VPS13B: variants seen among roughly 807,000 people sequenced by gnomAD.
VPS13B encodes the protein intermembrane lipid transfer protein VPS13B.
Under a neutral mutation model 426.4 loss-of-function variants are expected in VPS13B, and 285 were observed. That is an observed-to-expected ratio of 0.67 (90% confidence interval 0.61 to 0.74). The LOEUF (loss-of-function observed/expected upper bound fraction) is 0.74. Ranked by LOEUF, VPS13B falls within the 30% of genes least tolerant of loss-of-function variation. The pLI, the probability that VPS13B is intolerant of heterozygous loss-of-function variation, is 0.00. For missense variants in VPS13B, 4,537 were observed against 4,782.6 expected, an observed-to-expected ratio of 0.95 and a Z score of 1.51; for synonymous variants, 1,676 against 1,676.4, an observed-to-expected ratio of 1.00 and a Z score of 0.01.
chr8:99,614,139 A>C (rs1319572545), intron 33 of VPS13B: 2 of 152,092 alleles, frequency 1.3e-5, no homozygotes, highest in Admixed American at 1.3e-4. Context: ...TTAAATGACA[A>C]ATTCAAGGGC....
rs1588160972 is a variant in VPS13B, at chr8:99,234,007, G to A, written c.2516-40191G>A. On this transcript the variant is annotated intron_variant, in intron 17 of 61. Transcript: ENST00000357162. ...GCTCAGTGATGTTCACTATGGTCAA[G>A]CCCTCCTTTCAGACCATGGCACCAA... The A allele has an allele frequency of 1.3e-5, 10 of 775,482 alleles. No individual in the cohort carries two copies. In the East Asian group the frequency reaches 2.2e-4, roughly 17 times the overall value. The allele number at this position is 775,482 out of a possible 1,614,324, so 48.0% of individuals were successfully genotyped here. A position where few individuals can be genotyped will look rare whatever the true frequency, so the allele number is the denominator to read the frequency against.
At chr8:99,693,783 T>A (rs1831804291) in intron 35 of VPS13B, among the ~76,000 whole-genome samples, 1 of 149,140 alleles carries the variant, frequency 6.7e-6, no homozygotes, top group South Asian at 2.2e-4. Context: ...ACATGATTGT[T>A]TATCTAGAAA....
chr8:99,193,269 A>G (rs1025793468), intron 17 of VPS13B, among the ~76,000 whole-genome samples: 2 of 152,288 alleles, frequency 1.3e-5, no homozygotes, highest in Middle Eastern at 3.4e-3. Context: ...TATGTTTCAT[A>G]ATTGCAAAAG....
At chr8:99,821,096 A>G (rs1420083562) in intron 49 of VPS13B, among the ~76,000 whole-genome samples, 198 bp from the exon 50 acceptor site, 1 of 129,668 alleles carries the variant, frequency 7.7e-6, no homozygotes, top group Non-Finnish European at 1.6e-5. Flanking sequence ...GTACGTTGTC[A>G]TTACAAAACA....
rs143717799 is a variant in VPS13B at position 99,555,834 on chromosome 8, G to A, written c.4746-616G>A. On this transcript the variant is annotated intron_variant, in intron 30 of 61. Transcript: ENST00000357162. ...TCTATATAGGGCAGTAAACCTCTCTGTTATTCTACATCAGAAACCTTGTCA... is the reference window on the plus strand; with the variant it reads ...TCTATATAGGGCAGTAAACCTCTCTATTATTCTACATCAGAAACCTTGTCA... Among the ~76,000 whole-genome samples, 10 of 152,224 alleles carry A rather than the reference G, an allele frequency of 6.6e-5. No individual in the cohort carries two copies. The East Asian group carries it at 1.9e-3, about 29-fold the overall frequency.
intron 35 of VPS13B, among the ~76,000 whole-genome samples, chr8:99,699,251 A>C (rs1832170155): frequency 6.7e-6 from 1 of 148,300 alleles, no homozygotes; most frequent in Non-Finnish European, 1.5e-5. Context: ...CAGCCTTGAT[A>C]TCCTTGTGTG....
chr8:99,472,376 C>A (rs1266761830), intron 24 of VPS13B, among the ~76,000 whole-genome samples: 1 of 151,844 alleles, frequency 6.6e-6, no homozygotes, highest in Non-Finnish European at 1.5e-5. Context: ...TATTTGACCA[C>A]AGTCAAATTA....
chr8:99,301,610 T>C (rs1019949070), intron 19 of VPS13B, among the ~76,000 whole-genome samples: 1 of 152,042 alleles, frequency 6.6e-6, no homozygotes, highest in African/African-American at 2.4e-5. Context: ...TCTTGTTTTA[T>C]CTTCGTAGTA....
chr8:99,712,244 C>T (rs1483476062), intron 36 of VPS13B, among the ~76,000 whole-genome samples: 2 of 152,216 alleles, frequency 1.3e-5, no homozygotes, highest in African/African-American at 2.4e-5. Flanking sequence ...CTTCCCTCTG[C>T]GTTACGCAGC....
chr8:99,824,119 A>C (rs1814532580), intron 51 of VPS13B, 141 bp downstream of exon 51: 1 of 1,084,880 alleles, frequency 9.2e-7, no homozygotes, highest in African/African-American at 1.6e-5. Flanking sequence ...TGTTGTAATT[A>C]AAACCATGAA....
intron 30 of VPS13B, among the ~76,000 whole-genome samples, chr8:99,534,421 T>C (rs1339223103): frequency 6.6e-6 from 1 of 152,222 alleles, no homozygotes; most frequent in East Asian, 1.9e-4. Flanking sequence ...TGTTAGAAGC[T>C]ACAGAATAAT....
intron 6 of VPS13B, among the ~76,000 whole-genome samples, chr8:99,113,616 G>A (rs1293122259): frequency 6.6e-6 from 1 of 152,140 alleles, no homozygotes; most frequent in Non-Finnish European, 1.5e-5. Context: ...CCAGGCTGGA[G>A]TGCAATGGCA....
intron 35 of VPS13B, among the ~76,000 whole-genome samples, chr8:99,687,656 G>A (rs908695113): frequency 2.6e-5 from 4 of 151,784 alleles, no homozygotes; most frequent in East Asian, 1.9e-4. Flanking sequence ...ACTCTCTCCC[G>A]CCCACAAATG....
At chr8:99,387,284 C>T (rs917399469) in intron 20 of VPS13B, among the ~76,000 whole-genome samples, 5 of 152,034 alleles carry the variant, frequency 3.3e-5, no homozygotes, top group Non-Finnish European at 5.9e-5. Flanking sequence ...GTGCTGTGAT[C>T]ACAGGTCACT....
chr8:99,429,118 C>T (rs560984111), intron 21 of VPS13B, among the ~76,000 whole-genome samples: 9 of 151,848 alleles, frequency 5.9e-5, no homozygotes, highest in South Asian at 2.1e-4. Context: ...CATCACACAC[C>T]GGGGCCTGTT....
At chr8:99,442,771 A>G (rs1817737288) in intron 23 of VPS13B, 136 bp downstream of exon 23, 1 of 797,044 alleles carries the variant, frequency 1.3e-6, no homozygotes, top group Admixed American at 2.3e-5. Context: ...AAGTAAGTGA[A>G]CTAAGTGATG....
chr8:99,124,600 A>G (rs1275960447), intron 8 of VPS13B, among the ~76,000 whole-genome samples: 1 of 152,124 alleles, frequency 6.6e-6, no homozygotes, highest in African/African-American at 2.4e-5. Context: ...AAAAAATGAA[A>G]TTTTGGCCAG....
intron 23 of VPS13B, among the ~76,000 whole-genome samples, chr8:99,449,078 C>T (rs1449946621): frequency 6.6e-6 from 1 of 152,008 alleles, no homozygotes; most frequent in East Asian, 1.9e-4. Context: ...TTAAATATTC[C>T]AGATAGCCAT....
intron 24 of VPS13B, among the ~76,000 whole-genome samples, chr8:99,478,609 G>A (rs1232583747): frequency 4.0e-5 from 6 of 150,990 alleles, no homozygotes; most frequent in African/African-American, 1.5e-4. Context: ...CACCACACCC[G>A]GCTAATTTTT....
Sources: allele counts gnomAD v4.1 joint callset (sites outside exome capture counted in the v4.1 genomes callset), GRCh38; gene constraint gnomAD v4.1.1; transcripts MANE v1.5; gene names NCBI Gene and HGNC (gene_info 2026-07-23, HGNC 2026-07-21).